TOP6BL: variants seen among roughly 807,000 people sequenced by gnomAD.
The protein encoded by TOP6BL is TOP6B like initiator of meiotic double strand breaks.
chr11:66,796,211 T>TA, the TOP6BL span: 1 of 1,174,388 alleles, frequency 8.5e-7, no homozygotes, highest in Non-Finnish European at 1.2e-6. Flanking sequence ...GAAGAGGAAA[T>TA]ACCGTTTTAA....
the TOP6BL span, chr11:66,842,732 A>G: frequency 4.8e-6 from 5 of 1,050,322 alleles, no homozygotes; most frequent in Non-Finnish European, 6.8e-6. Context: ...GGACCTGCTG[A>G]CAGGGATGCG....
At chr11:66,837,737 G>A in the TOP6BL span, among the ~76,000 whole-genome samples, 2 of 152,138 alleles carry the variant, frequency 1.3e-5, no homozygotes, top group Non-Finnish European at 2.9e-5. Context: ...GAGCCACCGC[G>A]CCTGGCTATG....
the TOP6BL span, among the ~76,000 whole-genome samples, chr11:66,769,001 C>T: frequency 6.6e-6 from 1 of 152,174 alleles, no homozygotes; most frequent in Admixed American, 6.6e-5. Flanking sequence ...TGTTACAATT[C>T]CTCATTGAGT....
At chr11:66,814,050 C>T in the TOP6BL span, 38 of 1,570,896 alleles carry the variant, frequency 2.4e-5, no homozygotes, top group South Asian at 3.7e-4. Flanking sequence ...GGAATTAAGA[C>T]ATTTGAAGAA....
the TOP6BL span, among the ~76,000 whole-genome samples, chr11:66,745,109 C>G: frequency 2.0e-5 from 3 of 152,112 alleles, no homozygotes; most frequent in East Asian, 5.8e-4. Context: ...TCGCGGGGTA[C>G]TCTGTGGGGG....
chr11:66,755,892 G>A, the TOP6BL span, among the ~76,000 whole-genome samples: 1 of 152,070 alleles, frequency 6.6e-6, no homozygotes, highest in Non-Finnish European at 1.5e-5. Flanking sequence ...CTTCTTATAA[G>A]TACACCAGTC....
the TOP6BL span, among the ~76,000 whole-genome samples, chr11:66,779,739 A>G: frequency 5.3e-5 from 8 of 152,210 alleles, no homozygotes; most frequent in African/African-American, 1.7e-4. Context: ...ACTATTCACA[A>G]TAGCAAAGAC....
the TOP6BL span, among the ~76,000 whole-genome samples, chr11:66,818,501 A>G: frequency 1.3e-5 from 2 of 152,220 alleles, no homozygotes; most frequent in Non-Finnish European, 2.9e-5. Context: ...TTATGCTCAC[A>G]TAGACAGAGG....
the TOP6BL span, among the ~76,000 whole-genome samples, chr11:66,768,320 C>T: frequency 2.0e-5 from 3 of 151,974 alleles, no homozygotes; most frequent in East Asian, 5.8e-4. Flanking sequence ...TTATATCTTA[C>T]AAAATCAACA....
At chr11:66,746,088 G>A in the TOP6BL span, among the ~76,000 whole-genome samples, 1 of 152,156 alleles carries the variant, frequency 6.6e-6, no homozygotes, top group Non-Finnish European at 1.5e-5. Flanking sequence ...TGGGACCGGC[G>A]TGAGCCACCG....
the TOP6BL span, chr11:66,822,730 A>C: frequency 8.0e-7 from 1 of 1,250,984 alleles, no homozygotes; most frequent in Non-Finnish European, 1.1e-6. Context: ...TTGGCTGGGT[A>C]CGGTGGCTCA....
the TOP6BL span, chr11:66,744,819 G>GGCGGCGGCGGCGGCGGC: frequency 8.4e-7 from 1 of 1,193,766 alleles, no homozygotes; most frequent in Non-Finnish European, 1.1e-6. Context: ...GCTGAGGAGG[G>GGCGGCGGCGGCGGCGGC]GGCGGCGGCG....
At chr11:66,752,927 G>A in the TOP6BL span, among the ~76,000 whole-genome samples, 3 of 152,138 alleles carry the variant, frequency 2.0e-5, no homozygotes, top group East Asian at 5.8e-4. Context: ...TCAGGAGTTT[G>A]AGACCAGCCT....
chr11:66,791,818 A>AT, the TOP6BL span, among the ~76,000 whole-genome samples: 567 of 138,176 alleles, frequency 4.1e-3, 4 homozygotes, highest in African/African-American at 8.6e-3. Flanking sequence ...CTTTCTAATA[A>AT]TTTTTTTTTT....
the TOP6BL span, among the ~76,000 whole-genome samples, chr11:66,808,065 A>G: frequency 1.1e-4 from 16 of 152,280 alleles, no homozygotes; most frequent in Non-Finnish European, 2.1e-4. Flanking sequence ...GCTCCCAATT[A>G]TTTAACACTT....
At chr11:66,785,540 C>A in the TOP6BL span, among the ~76,000 whole-genome samples, 2,528 of 152,086 alleles carry the variant, frequency 0.017, 71 homozygotes, top group African/African-American at 0.057. Context: ...GACAACTGTC[C>A]CGTAGGAGGC....
the TOP6BL span, among the ~76,000 whole-genome samples, chr11:66,753,312 AAG>A: frequency 2.0e-5 from 3 of 152,086 alleles, no homozygotes; most frequent in African/African-American, 7.2e-5. Context: ...AGGATGGGGA[AAG>A]AGAGCAGAGC....
chr11:66,825,100 G>T, the TOP6BL span, among the ~76,000 whole-genome samples: 2 of 151,792 alleles, frequency 1.3e-5, no homozygotes, highest in African/African-American at 2.4e-5. Flanking sequence ...CCGACCTCAG[G>T]TGATCCACCC....
chr11:66,817,887 G>T, the TOP6BL span, among the ~76,000 whole-genome samples: 1 of 152,136 alleles, frequency 6.6e-6, no homozygotes, highest in Non-Finnish European at 1.5e-5. Flanking sequence ...AAACCACTGA[G>T]CATGAGCAGG....
Sources: gnomAD v4.1 joint callset for allele counts (sites outside exome capture counted in the v4.1 genomes callset) on GRCh38, gnomAD v4.1.1 for gene constraint, MANE v1.5 for transcripts, NCBI Gene and HGNC (gene_info 2026-07-23, HGNC 2026-07-21) for gene names.